Variants in PRSS38 observed in about 807,000 individuals in gnomAD.
PRSS38 encodes marapsin 2.
A neutral mutation model predicts 26.8 loss-of-function variants in PRSS38; 22 were observed. The observed-to-expected ratio is 0.82, with a 90% CI of 0.59 to 1.17. The LOEUF (loss-of-function observed/expected upper bound fraction) is 1.17, where lower values mean the gene tolerates loss of function less well. Ranked by LOEUF, PRSS38 falls within the 50% of genes most tolerant of loss-of-function variation. The pLI is 0.00. For synonymous variants in PRSS38, 175 were observed against 172.1 expected (o/e 1.02, Z -0.13); for missense variants, 427 against 422.7 (o/e 1.01, Z -0.09).
Position 227,815,801 on chromosome 1 carries a change from C to G in PRSS38, c.85C>G (p.Arg29Gly), listed in dbSNP as rs373059773. 5 of 1,612,250 alleles carry G rather than the reference C, an allele frequency of 3.1e-6. No homozygotes were observed. The African/African-American group carries it at 5.3e-5, about 17-fold the overall frequency. Residue 29 changes from arginine (R) to glycine (G), a missense_variant, in exon 1 of 5, where the codon CGG becomes GGG. Coordinates refer to ENST00000366757, the Ensembl canonical transcript of PRSS38. ...GCTGCTCCTGGTGGTGGCCCCTCCC[C>G]GGGTCGCAGCATTGGTCCACAGACA...
chr1:227,822,087 C>A (rs1427978169), intron 3 of PRSS38, among the ~76,000 whole-genome samples: 1 of 152,078 alleles, frequency 6.6e-6, no homozygotes, highest in South Asian at 2.1e-4. Context: ...TTCACCTATG[C>A]TCTCTTGTGC....
At chr1:227,818,464 A>G (rs1434413364) in intron 3 of PRSS38, among the ~76,000 whole-genome samples, 1 of 152,042 alleles carries the variant, frequency 6.6e-6, no homozygotes, top group Non-Finnish European at 1.5e-5. Flanking sequence ...GGATCGCTTG[A>G]GCCCAGGAGT....
chr1:227,823,797 T>G (rs1046077426), intron 3 of PRSS38, among the ~76,000 whole-genome samples: 2 of 152,246 alleles, frequency 1.3e-5, no homozygotes, highest in East Asian at 3.8e-4. Context: ...TCTGCAGAAC[T>G]GTGAGCCAAA....
Position 227,817,312 on chromosome 1 carries a change from C to T in PRSS38, c.415C>T (p.Pro139Ser), listed in dbSNP as rs971468566. The T allele has an allele frequency of 1.9e-6, 3 of 1,614,134 alleles. No homozygotes were observed. The highest frequency in any genetic ancestry group is 2.5e-6 in the Non-Finnish European group (3 of 1,180,024). ...TGAGGTGAACAGGGTGATCCTGCAC[C>T]CCACATATGAGATGTACCACCCCAT... Residue 139 changes from proline (P) to serine (S), a missense_variant, in exon 3 of 5, where the codon CCC (proline) becomes TCC (serine). By Grantham distance (74) the Pro-to-Ser change is moderately conservative. Transcript: ENST00000366757.
At chr1:227,820,045 C>T (rs929879893) in intron 3 of PRSS38, among the ~76,000 whole-genome samples, 13 of 141,888 alleles carry the variant, frequency 9.2e-5, no homozygotes, top group African/African-American at 2.9e-4. Flanking sequence ...GCTGAGATCA[C>T]GCCATTGCAC....
exon 4 of PRSS38, chr1:227,845,487 C>A: frequency 1.9e-6 from 3 of 1,611,626 alleles, no homozygotes; most frequent in Non-Finnish European, 2.5e-6. Context: ...CTCAGACGAG[C>A]TGCAGGAGAT....
intron 3 of PRSS38, among the ~76,000 whole-genome samples, chr1:227,844,418 G>T (rs1443825659): frequency 6.7e-6 from 1 of 149,346 alleles, no homozygotes; most frequent in African/African-American, 2.5e-5. Context: ...AGTGGTCAGG[G>T]TTCCTCTCTA....
chr1:227,846,329 G>C (rs752852221), exon 5 of PRSS38: 2 of 1,276,142 alleles, frequency 1.6e-6, no homozygotes, highest in Non-Finnish European at 2.2e-6. Flanking sequence ...CACCTATCCC[G>C]GGGGTGGATG....
chr1:227,830,095 A>G (rs561029712), intron 3 of PRSS38, among the ~76,000 whole-genome samples: 1 of 152,224 alleles, frequency 6.6e-6, no homozygotes, highest in East Asian at 1.9e-4. Flanking sequence ...TATTATATTC[A>G]ATTTTGGATA....
exon 1 of PRSS38, chr1:227,815,760 C>T: frequency 6.2e-7 from 1 of 1,611,214 alleles, no homozygotes; most frequent in Non-Finnish European, 8.5e-7. Context: ...GGGCCCTCTG[C>T]CCTGGGCCTT....
chr1:227,831,965 T>C (rs1665159880), intron 3 of PRSS38, among the ~76,000 whole-genome samples: 1 of 152,258 alleles, frequency 6.6e-6, no homozygotes, highest in African/African-American at 2.4e-5. Flanking sequence ...TTTTGCTTCA[T>C]GTCTTTTCAG....
rs1664927507 is a variant in PRSS38 at position 227,816,965 on chromosome 1, C to G, written c.312-244C>G. On this transcript the variant is annotated intron_variant, in intron 2 of 4. Transcript: ENST00000366757. This position sits in a 1 kb window ranked among gnomAD's most constrained non-coding sequence, Gnocchi z 5.1. ...TCAGAGCAGGTCTCACATGCATGGG[C>G]TGCTGGCCTGTACAGCTGGTGGTCG... Among the ~76,000 whole-genome samples, 1 of 152,268 alleles carries G rather than the reference C, an allele frequency of 6.6e-6. No homozygotes were observed. The highest frequency in any genetic ancestry group is 1.5e-5 in the Non-Finnish European group (1 of 68,044).
chr1:227,824,307 G>A (rs1005512352), intron 3 of PRSS38, among the ~76,000 whole-genome samples: 1 of 152,158 alleles, frequency 6.6e-6, no homozygotes, highest in Non-Finnish European at 1.5e-5. Flanking sequence ...CCACTTATGA[G>A]TGAGAACATG....
At chr1:227,817,710 C>A (rs1333187906) in intron 3 of PRSS38, among the ~76,000 whole-genome samples, 1 of 152,138 alleles carries the variant, frequency 6.6e-6, no homozygotes, top group Non-Finnish European at 1.5e-5. Flanking sequence ...AGTTGGTATG[C>A]AGTATATCAA....
At chr1:227,832,747 A>G (rs1346038885) in intron 3 of PRSS38, among the ~76,000 whole-genome samples, 2 of 152,210 alleles carry the variant, frequency 1.3e-5, no homozygotes, top group African/African-American at 2.4e-5. Context: ...ATGATCCTAT[A>G]TATATAGAAA....
intron 3 of PRSS38, among the ~76,000 whole-genome samples, chr1:227,823,879 C>T (rs879919078): frequency 6.6e-6 from 1 of 152,020 alleles, no homozygotes; most frequent in Non-Finnish European, 1.5e-5. Context: ...GACTAATAGC[C>T]GTATTTTTGT....
At chr1:227,827,635 A>G (rs1665094623) in intron 3 of PRSS38, among the ~76,000 whole-genome samples, 1 of 140,984 alleles carries the variant, frequency 7.1e-6, no homozygotes, top group African/African-American at 2.5e-5. Flanking sequence ...TTTTTTTTAG[A>G]AAACCAGCTT....
chr1:227,824,992 G>A (rs1665051214), intron 3 of PRSS38, among the ~76,000 whole-genome samples: 1 of 152,004 alleles, frequency 6.6e-6, no homozygotes, highest in African/African-American at 2.4e-5. Flanking sequence ...TGGATAGATT[G>A]CAAAATTTTT....
rs571296063 is a variant in PRSS38 at position 227,816,351 on chromosome 1, T to C, written c.311+99T>C. The C allele has an allele frequency of 3.6e-5, 48 of 1,318,608 alleles. No homozygotes were observed. The African/African-American group carries it at 6.1e-4, about 17-fold the overall frequency. 81.7% of individuals were successfully genotyped at this position (1,318,608 alleles called of 1,614,324 possible). A position where few individuals can be genotyped will look rare whatever the true frequency, so the allele number is the denominator to read the frequency against. ...CCCACGCAAGCCTCCCCCATCACCA[T>C]TGTCGACTCCCTTCACCACTGTCGA... On this transcript the variant is annotated intron_variant, in intron 2 of 4. Coordinates refer to ENST00000366757, the Ensembl canonical transcript of PRSS38. This position sits in a 1 kb window ranked among gnomAD's most constrained non-coding sequence, Gnocchi z 5.1.
Sources: allele counts gnomAD v4.1 joint callset (sites outside exome capture counted in the v4.1 genomes callset), GRCh38; gene constraint gnomAD v4.1.1; non-coding constraint Gnocchi (gnomAD v3.1); transcripts MANE v1.5; gene names NCBI Gene and HGNC (gene_info 2026-07-23, HGNC 2026-07-21).